ATG3: variants seen among roughly 807,000 people sequenced by gnomAD.
The protein encoded by ATG3 is autophagy related 3, also known as ubiquitin-like-conjugating enzyme ATG3.
A neutral mutation model predicts 50.7 loss-of-function variants in ATG3; 25 were observed. The ratio of observed to expected loss-of-function variants is 0.49; its 90% CI spans 0.36 to 0.69. The LOEUF (loss-of-function observed/expected upper bound fraction) is 0.69. Among genes scored for constraint, ATG3 ranks in the 30% least tolerant of loss-of-function variants. The pLI, the probability that ATG3 is intolerant of heterozygous loss-of-function variation, is 0.00. For synonymous variants in ATG3, 119 were observed against 125.5 expected (o/e 0.95, Z 0.34); for missense variants, 281 against 376.0 (o/e 0.75, Z 2.09).
intron 5 of ATG3, among the ~76,000 whole-genome samples, chr3:112,547,978 T>C (rs1408112772): frequency 6.6e-6 from 1 of 152,202 alleles, no homozygotes; most frequent in Non-Finnish European, 1.5e-5. Context: ...TCTCTGACGG[T>C]CTTTTTTTTC....
intron 1 of ATG3, 134 bp downstream of exon 1, chr3:112,561,323 A>G (rs888365882): frequency 7.9e-6 from 7 of 888,152 alleles, no homozygotes; most frequent in African/African-American, 1.7e-5. Flanking sequence ...GGGGCTGCAC[A>G]CTTCCCTGTG....
At chr3:112,551,299 T>C (rs183220697) in intron 3 of ATG3, among the ~76,000 whole-genome samples, 6 of 152,172 alleles carry the variant, frequency 3.9e-5, no homozygotes, top group Non-Finnish European at 7.3e-5. Flanking sequence ...TAGTCCCAAG[T>C]GTCAAATTCA....
chr3:112,550,074 A>C (rs771684097), intron 4 of ATG3, 118 bp downstream of exon 4: 1 of 649,708 alleles, frequency 1.5e-6, no homozygotes, highest in Non-Finnish European at 2.6e-6. Flanking sequence ...GGCAAAAAGA[A>C]ATAACAGAAA....
intron 7 of ATG3, 80 bp from the exon 8 acceptor site, chr3:112,538,260 A>G (rs984661899): frequency 6.2e-6 from 7 of 1,120,892 alleles, no homozygotes; most frequent in Non-Finnish European, 8.9e-6. Context: ...ATTACTTCAT[A>G]GTATCATTCA....
At chr3:112,546,729 C>G (rs1933379907) in intron 5 of ATG3, among the ~76,000 whole-genome samples, 1 of 152,196 alleles carries the variant, frequency 6.6e-6, no homozygotes, top group South Asian at 2.1e-4. Flanking sequence ...AATGCACAAT[C>G]AATGGATCCA....
intron 6 of ATG3, 38 bp from the exon 7 acceptor site, chr3:112,541,922 TACATTAATTTGA>T (rs1278651675): frequency 4.0e-6 from 6 of 1,516,258 alleles, no homozygotes; most frequent in Non-Finnish European, 5.4e-6. Context: ...CTTAAGTATA[TACATTAATTTGA>T]ACACTGAACA....
chr3:112,548,457 T>A (rs1933432896), intron 5 of ATG3, 76 bp downstream of exon 5: 5 of 1,272,210 alleles, frequency 3.9e-6, no homozygotes, highest in Non-Finnish European at 5.6e-6. Flanking sequence ...TCCTCTTTTT[T>A]AAATCAAGGC....
intron 11 of ATG3, chr3:112,533,945 G>C: frequency 1.8e-6 from 2 of 1,092,994 alleles, no homozygotes. Flanking sequence ...ACTTTTACCT[G>C]ATGGGAAAGT....
At position 112,557,306 on chromosome 3, in the gene ATG3, C is replaced by T. The variant is rs563366928; in HGVS notation, c.114+1070G>A. Among the ~76,000 whole-genome samples, 20 of 152,066 alleles carry T rather than the reference C, an allele frequency of 1.3e-4. No homozygotes were observed. The East Asian group carries it at 3.3e-3, about 25-fold the overall frequency. On this transcript the variant is annotated intron_variant, in intron 2 of 11. Transcript: ENST00000283290. ...CCTCCTAAAGTGTTGGGATTACAGG[C>T]GTGAGCCACCACGCCCAGCACAGAA... is the stretch of plus-strand genomic sequence containing the variant.
At chr3:112,532,813 GTAAA>G in intron 11 of ATG3, 33 bp from the exon 12 acceptor site, 2 of 1,553,832 alleles carry the variant, frequency 1.3e-6, no homozygotes, top group Non-Finnish European at 1.7e-6. Flanking sequence ...AATAAGATTT[GTAAA>G]TAGTTCTATG....
At chr3:112,555,000 A>C (rs1351331420) in intron 2 of ATG3, among the ~76,000 whole-genome samples, 1 of 152,228 alleles carries the variant, frequency 6.6e-6, no homozygotes, top group Non-Finnish European at 1.5e-5. Flanking sequence ...TTGCAACCAG[A>C]TGCTACATTT....
At chr3:112,540,008 T>C (rs1354633658) in intron 7 of ATG3, among the ~76,000 whole-genome samples, 1 of 152,204 alleles carries the variant, frequency 6.6e-6, no homozygotes, top group Non-Finnish European at 1.5e-5. Flanking sequence ...TGTCAGTTTC[T>C]GACAACTATG....
At chr3:112,540,746 T>C (rs1274978507) in intron 7 of ATG3, among the ~76,000 whole-genome samples, 5 of 151,498 alleles carry the variant, frequency 3.3e-5, no homozygotes, top group Non-Finnish European at 7.4e-5. Flanking sequence ...CCCAGTGTTA[T>C]AGAAACCAAG....
chr3:112,546,914 A>G lies in ATG3; in HGVS notation c.343+1619T>C, dbSNP rs575658680. ...TCTGTTATTTCCTTTAGGCTTTGAT[A>G]TAGCACTCGACTCATTAATAAGCCA... On this transcript the variant is annotated intron_variant, in intron 5 of 11. Transcript: ENST00000283290. 8.4e-4 allele frequency among the ~76,000 whole-genome samples: 128 copies of G among 152,370 alleles called. 1 individual carries two copies. The highest frequency in any genetic ancestry group is 3.0e-3 in the African/African-American group (124 of 41,590).
rs747366906 is a variant in ATG3, at chr3:112,534,387, A to G, written c.795-50T>C. ...TGTTAATGTAGATCGATTAGACCGA[A>G]AGAAGAAAAACATATTTTCATTTGT... On this transcript the variant is annotated intron_variant, in intron 10 of 11. Coordinates refer to ENST00000283290, the MANE Select transcript of ATG3 (RefSeq NM_022488.5). The G allele has an allele frequency of 5.0e-6, 6 of 1,191,926 alleles. No individual in the cohort carries two copies. In the South Asian group the frequency reaches 9.6e-5, roughly 19 times the overall value. 73.8% of individuals were successfully genotyped at this position (1,191,926 alleles called of 1,614,324 possible).
intron 10 of ATG3, chr3:112,535,242 G>C (rs1228329548): frequency 2.0e-5 from 3 of 152,144 alleles, no homozygotes; most frequent in African/African-American, 7.2e-5. Context: ...TAGAATATGA[G>C]AGTAAATGTA....
In ATG3 at chr3:112,541,823, CCTTCAT is replaced by C. The variant is rs762242572; in HGVS notation, c.449_454del (p.Asp150_Glu151del). 4 of 1,612,048 alleles carry C rather than the reference CCTTCAT, an allele frequency of 2.5e-6. No homozygotes were observed. The highest frequency in any genetic ancestry group is 2.2e-5 in the East Asian group (1 of 44,804). On this transcript the variant is annotated inframe_deletion, in exon 7 of 12. Coordinates refer to ENST00000283290, the MANE Select transcript of ATG3 (RefSeq NM_022488.5). ...AATACCTTCCATATCTGCAGCTTCT[CCTTCAT>C]CTTCATCTTCTTCCTCTTCACATAG...
chr3:112,534,477 C>T, intron 10 of ATG3, 140 bp from the exon 11 acceptor site: 1 of 441,862 alleles, frequency 2.3e-6, no homozygotes. Context: ...AACTATCTCC[C>T]CCACCACTCC....
At chr3:112,534,906 T>C (rs377570992) in intron 10 of ATG3, 10 of 152,216 alleles carry the variant, frequency 6.6e-5, no homozygotes, top group African/African-American at 2.2e-4. Context: ...GAAAAGCTAA[T>C]TGGTTAGAGT....
Sources: gnomAD v4.1 joint callset for allele counts (sites outside exome capture counted in the v4.1 genomes callset) on GRCh38, gnomAD v4.1.1 for gene constraint, MANE v1.5 for transcripts, NCBI Gene and HGNC (gene_info 2026-07-23, HGNC 2026-07-21) for gene names.